Variants in PCDH9 observed in about 807,000 individuals in gnomAD.
PCDH9 encodes the protein protocadherin 9.
A neutral mutation model predicts 70.6 loss-of-function variants in PCDH9; 24 were observed. The observed-to-expected ratio is 0.34, with a 90% CI of 0.25 to 0.48. The LOEUF is 0.48. Ranked by LOEUF, PCDH9 falls within the 20% of genes least tolerant of loss-of-function variation. The probability of loss-of-function intolerance (pLI) is 0.99; values close to 1 mark genes in which losing one functional copy is unlikely to be tolerated. For synonymous variants in PCDH9, 562 were observed against 558.5 expected, an observed-to-expected ratio of 1.01 and a Z score of -0.09; for missense variants, 1,281 against 1,503.6, an observed-to-expected ratio of 0.85 and a Z score of 2.45.
At chr13:66,516,016 A>T (rs1035190480) in intron 4 of PCDH9, among the ~76,000 whole-genome samples, 3 of 152,036 alleles carry the variant, frequency 2.0e-5, no homozygotes, top group African/African-American at 7.2e-5. Flanking sequence ...ACTGAAAATG[A>T]AATATTTTAT....
intron 2 of PCDH9, among the ~76,000 whole-genome samples, chr13:67,050,955 TA>T (rs1481968273): frequency 2.0e-5 from 3 of 152,146 alleles, no homozygotes; most frequent in Non-Finnish European, 4.4e-5. Context: ...GAGTTAGTAA[TA>T]AAAAATACAA....
At chr13:66,652,462 T>C (rs1282532924) in intron 3 of PCDH9, among the ~76,000 whole-genome samples, 1 of 151,846 alleles carries the variant, frequency 6.6e-6, no homozygotes, top group Non-Finnish European at 1.5e-5. Context: ...TGTAAAACAT[T>C]GATAAAAGAA....
At chr13:66,983,261 A>G (rs911552907) in intron 2 of PCDH9, among the ~76,000 whole-genome samples, 5 of 152,202 alleles carry the variant, frequency 3.3e-5, no homozygotes, top group Admixed American at 2.0e-4. Context: ...GAATAAAAAT[A>G]ATAAATGAGA....
At chr13:66,920,504 C>A (rs1266039823) in intron 2 of PCDH9, among the ~76,000 whole-genome samples, 2 of 150,892 alleles carry the variant, frequency 1.3e-5, no homozygotes, top group African/African-American at 4.8e-5. Flanking sequence ...CACATAATTT[C>A]TTATATTAAT....
At chr13:66,373,915 C>T (rs1049586786) in intron 4 of PCDH9, among the ~76,000 whole-genome samples, 19 of 152,014 alleles carry the variant, frequency 1.2e-4, no homozygotes, top group Non-Finnish European at 2.1e-4. Flanking sequence ...TCAGTAATAC[C>T]TGCTTATATC....
chr13:66,460,329 T>G (rs1958400107), intron 4 of PCDH9, among the ~76,000 whole-genome samples: 1 of 151,872 alleles, frequency 6.6e-6, no homozygotes, highest in South Asian at 2.1e-4. Flanking sequence ...TTTGAAGAGC[T>G]TTATCAGCCA....
chr13:66,380,765 G>A (rs1593886335), intron 4 of PCDH9, among the ~76,000 whole-genome samples: 3 of 152,092 alleles, frequency 2.0e-5, no homozygotes, highest in South Asian at 2.1e-4. Flanking sequence ...GGATGGTCTC[G>A]ATCTCCTGAC....
Position 66,662,059 on chromosome 13 carries a change from G to A in PCDH9, c.3139-30648C>T, listed in dbSNP as rs190342514. ...TGTGAGTATGTGTGTGTGTGTGTGT[G>A]TGTATGTGTGTATGTGTGTTAGGAA... On this transcript the variant is annotated intron_variant, in intron 3 of 4. Coordinates refer to ENST00000377865, the MANE Select transcript of PCDH9 (RefSeq NM_203487.3). Among the ~76,000 whole-genome samples, 1,238 of 152,088 alleles carry A rather than the reference G, an allele frequency of 8.1e-3. 15 individuals carry two copies. Among genetic ancestry groups the A allele is most frequent in the African/African-American group, 0.027 (1,132 of 41,484 alleles).
chr13:66,503,796 T>A (rs1422046686), intron 4 of PCDH9, among the ~76,000 whole-genome samples: 2 of 152,204 alleles, frequency 1.3e-5, no homozygotes, highest in Admixed American at 6.5e-5. Flanking sequence ...CCTGTCCCTT[T>A]CACTCAGATT....
At chr13:66,782,117 C>T (rs2080008579) in intron 3 of PCDH9, among the ~76,000 whole-genome samples, 1 of 152,034 alleles carries the variant, frequency 6.6e-6, no homozygotes, top group South Asian at 2.1e-4. Flanking sequence ...TGAGTCCTTC[C>T]CTCTTTCCTC....
chr13:66,341,875 C>A (rs554875764), intron 4 of PCDH9, among the ~76,000 whole-genome samples: 7 of 152,164 alleles, frequency 4.6e-5, no homozygotes, highest in Non-Finnish European at 7.3e-5. Flanking sequence ...TAAATATGCA[C>A]ACTTGAAGTG....
At chr13:66,658,173 C>A (rs899620799) in intron 3 of PCDH9, among the ~76,000 whole-genome samples, 1 of 152,046 alleles carries the variant, frequency 6.6e-6, no homozygotes, top group African/African-American at 2.4e-5. Context: ...CTAGTAAAAC[C>A]TTGCTTTTGT....
At chr13:66,859,847 G>C (rs2081452865) in intron 3 of PCDH9, among the ~76,000 whole-genome samples, 1 of 152,092 alleles carries the variant, frequency 6.6e-6, no homozygotes, top group Non-Finnish European at 1.5e-5. Context: ...TTAAGGAAAT[G>C]CACCCCTACT....
chr13:66,376,915 C>T (rs1956757999), intron 4 of PCDH9, among the ~76,000 whole-genome samples: 1 of 151,970 alleles, frequency 6.6e-6, no homozygotes, highest in Middle Eastern at 3.4e-3. Context: ...ATGAAATAAC[C>T]ATTTATCTGG....
chr13:66,590,957 G>A (rs959387599), intron 4 of PCDH9, among the ~76,000 whole-genome samples: 6 of 151,496 alleles, frequency 4.0e-5, no homozygotes, highest in Non-Finnish European at 8.9e-5. Flanking sequence ...AAAACATGTG[G>A]TTCTGTAAAA....
intron 2 of PCDH9, among the ~76,000 whole-genome samples, chr13:67,044,036 T>C (rs1255172019): frequency 3.3e-5 from 5 of 152,140 alleles, no homozygotes; most frequent in Non-Finnish European, 2.9e-5. Context: ...GGAATAGGAT[T>C]AATAAGATTA....
intron 4 of PCDH9, among the ~76,000 whole-genome samples, chr13:66,424,363 G>T (rs1023628114): frequency 6.6e-6 from 1 of 151,898 alleles, no homozygotes; most frequent in African/African-American, 2.4e-5. Context: ...TTCAAATTGA[G>T]CAAGCCTACA....
rs759551097 is a variant in PCDH9, at chr13:67,227,979, G to A, written c.462C>T (p.Asn154=). Residue 154 remains asparagine (N), a synonymous_variant, in exon 2 of 5, where the codon AAC becomes AAT. Transcript: ENST00000377865. The surrounding 1 kb of genome is among the most constrained non-coding windows in gnomAD (Gnocchi z 4.6). ...TTGGAAAGCGGCTGTTGATCAAAGT[G>A]TTTTCTGGAATGGAAATATTGATGA... ...SPVINISIPE[N]TLINSRFPIP... The A allele has an allele frequency of 6.2e-7, 1 of 1,614,128 alleles. No individual in the cohort carries two copies. Among genetic ancestry groups the A allele is most frequent in the South Asian group, 1.1e-5 (1 of 91,084 alleles).
chr13:66,659,988 G>T (rs1011593852), intron 3 of PCDH9, among the ~76,000 whole-genome samples: 2 of 152,184 alleles, frequency 1.3e-5, no homozygotes, highest in Non-Finnish European at 2.9e-5. Context: ...CCACCTCAAA[G>T]TGGTAAAGAT....
Sources: gnomAD v4.1 joint callset for allele counts (sites outside exome capture counted in the v4.1 genomes callset) on GRCh38, gnomAD v4.1.1 for gene constraint, Gnocchi (gnomAD v3.1) non-coding constraint, MANE v1.5 for transcripts, NCBI Gene and HGNC (gene_info 2026-07-23, HGNC 2026-07-21) for gene names.